The following CFAP54 variants were observed in gnomAD, a reference collection of about 807,000 sequenced individuals.
The protein encoded by CFAP54 is cilia and flagella associated protein 54.
Under a neutral mutation model 370.4 loss-of-function variants are expected in CFAP54, and 290 were observed. That is an observed-to-expected ratio of 0.78 (90% CI 0.71 to 0.86). The LOEUF is 0.86. Ranked by LOEUF, CFAP54 falls within the 40% of genes least tolerant of loss-of-function variation. CFAP54 has a pLI of 0.00. For synonymous variants in CFAP54, 1,206 were observed against 1,236.5 expected, an observed-to-expected ratio of 0.98 and a Z score of 0.52; for missense variants, 3,399 against 3,528.7, an observed-to-expected ratio of 0.96 and a Z score of 0.93.
intron 65 of CFAP54, 73 bp downstream of exon 65, chr12:96,817,986 C>G: frequency 9.0e-7 from 1 of 1,107,452 alleles, no homozygotes; most frequent in South Asian, 2.2e-5. Context: ...AACTATGTAA[C>G]TGGACTTAAA....
At chr12:96,775,143 C>G (rs1323894069) in intron 60 of CFAP54, among the ~76,000 whole-genome samples, 2 of 152,124 alleles carry the variant, frequency 1.3e-5, no homozygotes, top group Non-Finnish European at 2.9e-5. Flanking sequence ...TAAAACTTTA[C>G]TGTGGGCCGG....
Position 96,599,240 on chromosome 12 carries a change from T to C in CFAP54, c.3639+473T>C, listed in dbSNP as rs546472896. Among the ~76,000 whole-genome samples, 466 of 149,422 alleles carry C rather than the reference T, an allele frequency of 3.1e-3. 4 individuals are homozygous for C. Among genetic ancestry groups the C allele is most frequent in the African/African-American group, 0.01 (417 of 40,860 alleles). ...GTTCTCATTGTTCAGCTCCCACTTA[T>C]GAGTGAGACCATATGGTGTTTGGTT... On this transcript the variant is annotated intron_variant, in intron 26 of 67. Coordinates refer to ENST00000524981, the MANE Select transcript of CFAP54 (RefSeq NM_001306084.2).
intron 62 of CFAP54, among the ~76,000 whole-genome samples, chr12:96,791,308 C>T (rs1958690983): frequency 6.6e-6 from 1 of 151,636 alleles, no homozygotes; most frequent in South Asian, 2.1e-4. Context: ...TTGTTTTTAC[C>T]ATTATTATCT....
chr12:96,563,386 C>T (rs1341591308), intron 17 of CFAP54, among the ~76,000 whole-genome samples: 2 of 152,160 alleles, frequency 1.3e-5, no homozygotes, highest in African/African-American at 4.8e-5. Flanking sequence ...ATGTTCCCTA[C>T]ATTAGCATTC....
At chr12:96,510,893 G>A (rs1011622685) in intron 4 of CFAP54, among the ~76,000 whole-genome samples, 4 of 151,494 alleles carry the variant, frequency 2.6e-5, no homozygotes, top group Non-Finnish European at 5.9e-5. Context: ...AACCCGGGAG[G>A]TGGAGGTCAC....
rs146615343 is a variant in CFAP54 at position 96,790,813 on chromosome 12, A to C, written c.8680-1516A>C. ...TTCTGGTTTATAATAGCCTTTTATG[A>C]TTGTCTCTAGACATTTAGAAAACTT... On this transcript the variant is annotated intron_variant, in intron 62 of 67. Transcript: ENST00000524981. Among the ~76,000 whole-genome samples, 282 of 152,290 alleles carry C rather than the reference A, an allele frequency of 1.9e-3. 5 individuals are homozygous for C. The highest frequency in any genetic ancestry group is 6.4e-3 in the African/African-American group (268 of 41,554).
chr12:96,713,859 C>T (rs1161801461), intron 48 of CFAP54, among the ~76,000 whole-genome samples: 5 of 151,870 alleles, frequency 3.3e-5, no homozygotes, highest in Admixed American at 2.0e-4. Context: ...GTGTGCCTGG[C>T]ATGCTTGAGG....
chr12:96,515,135 G>A (rs1320307156), intron 5 of CFAP54, among the ~76,000 whole-genome samples: 1 of 151,806 alleles, frequency 6.6e-6, no homozygotes, highest in Non-Finnish European at 1.5e-5. Flanking sequence ...AGCCCCCTGA[G>A]TAGCTGGGAT....
At chr12:96,515,184 T>A (rs909770157) in intron 5 of CFAP54, among the ~76,000 whole-genome samples, 1 of 151,976 alleles carries the variant, frequency 6.6e-6, no homozygotes, top group Admixed American at 6.6e-5. Context: ...ATTTTTTGTA[T>A]TTTTAGTAGA....
At position 96,693,717 on chromosome 12, in the gene CFAP54, G is replaced by A. The variant is rs756070780; in HGVS notation, c.6265-5G>A. The A allele has an allele frequency of 1.9e-6, 3 of 1,547,246 alleles. No individual in the cohort carries two copies. Among genetic ancestry groups the A allele is most frequent in the Non-Finnish European group, 1.8e-6 (2 of 1,131,928 alleles). ...TTGAAACAAAGAGTGTTTTTCTCCT[G>A]ATAGGTTCTGCCTCTCCTTGCATTG... On this transcript the variant is annotated splice_polypyrimidine_tract_variant and splice_region_variant and intron_variant, in intron 44 of 67. Transcript: ENST00000524981.
intron 8 of CFAP54, among the ~76,000 whole-genome samples, chr12:96,524,749 G>A (rs971989053): frequency 1.6e-4 from 24 of 152,200 alleles, no homozygotes; most frequent in Non-Finnish European, 1.8e-4. Flanking sequence ...TAGAGTAGAT[G>A]TCATGGAGAC....
chr12:96,758,566 G>A (rs1469888146), intron 58 of CFAP54, among the ~76,000 whole-genome samples: 1 of 152,164 alleles, frequency 6.6e-6, no homozygotes, highest in Non-Finnish European at 1.5e-5. Context: ...TGAGATTTGG[G>A]TGAGGACACA....
Position 96,636,860 on chromosome 12 carries a change from AAAACAAAC to A in CFAP54, c.4316+6225_4316+6232del, listed in dbSNP as rs113335610. ...TCCCAGCTACTCAGGAGTCCGAGGA[AAAACAAAC>A]AAACAAACAAACAAAAAACAGCTTT... is the stretch of plus-strand genomic sequence containing the variant. On this transcript the variant is annotated intron_variant, in intron 32 of 67. Transcript: ENST00000524981. 9.0e-3 allele frequency among the ~76,000 whole-genome samples: 1,369 copies of A among 152,274 alleles called. 14 individuals are homozygous for A. Among genetic ancestry groups the A allele is most frequent in the Non-Finnish European group, 0.016 (1,070 of 68,006 alleles).
intron 66 of CFAP54, among the ~76,000 whole-genome samples, chr12:96,851,186 A>G (rs1048434739): frequency 2.6e-5 from 4 of 152,168 alleles, no homozygotes; most frequent in Non-Finnish European, 5.9e-5. Context: ...CGTTCACTTA[A>G]TATTTATGAC....
At chr12:96,843,617 C>G (rs1592804325) in intron 66 of CFAP54, among the ~76,000 whole-genome samples, 1 of 152,280 alleles carries the variant, frequency 6.6e-6, no homozygotes, top group South Asian at 2.1e-4. Context: ...TCTCCTTCAA[C>G]TTGTAACTGC....
At chr12:96,798,252 C>T (rs973551108) in intron 63 of CFAP54, among the ~76,000 whole-genome samples, 34 of 151,980 alleles carry the variant, frequency 2.2e-4, no homozygotes, top group African/African-American at 7.7e-4. Flanking sequence ...AGGATTACTT[C>T]GTTCTGTTGA....
chr12:96,847,548 A>G (rs781233632), intron 66 of CFAP54, among the ~76,000 whole-genome samples: 11 of 152,220 alleles, frequency 7.2e-5, no homozygotes, highest in Non-Finnish European at 1.3e-4. Context: ...CCCAGGACAA[A>G]GACCAAATGT....
chr12:96,730,059 C>G (rs767703505), intron 50 of CFAP54, among the ~76,000 whole-genome samples: 1 of 152,104 alleles, frequency 6.6e-6, no homozygotes, highest in Non-Finnish European at 1.5e-5. Context: ...TAAAGTTATC[C>G]TCTAGTTTGG....
chr12:96,514,065 C>T (rs991364494), intron 5 of CFAP54, among the ~76,000 whole-genome samples: 4 of 152,162 alleles, frequency 2.6e-5, no homozygotes, highest in African/African-American at 7.2e-5. Flanking sequence ...TATTTATTCC[C>T]TGTATTAGTT....
Sources: gnomAD v4.1 joint callset for allele counts (sites outside exome capture counted in the v4.1 genomes callset) on GRCh38, gnomAD v4.1.1 for gene constraint, MANE v1.5 for transcripts, NCBI Gene and HGNC (gene_info 2026-07-23, HGNC 2026-07-21) for gene names.